Variants in RASGRF2 observed in about 807,000 individuals in gnomAD.
RASGRF2 encodes the protein ras-specific guanine nucleotide-releasing factor 2.
RASGRF2 carries 76 observed loss-of-function variants against 151.0 expected under a neutral mutation model. That is an observed-to-expected ratio of 0.50 (90% CI 0.42 to 0.61). The LOEUF is 0.61. Among genes scored for constraint, RASGRF2 ranks in the 20% least tolerant of loss-of-function variants. The pLI is 0.00. For missense variants in RASGRF2, 1,148 were observed against 1,564.6 expected (o/e 0.73, Z 4.49); for synonymous variants, 504 against 566.5 (o/e 0.89, Z 1.57).
chr5:81,013,374 T>C (rs1749530712), intron 1 of RASGRF2, among the ~76,000 whole-genome samples: 1 of 152,192 alleles, frequency 6.6e-6, no homozygotes, highest in Non-Finnish European at 1.5e-5. Flanking sequence ...TTTCTGTTAC[T>C]CGGACATATC....
At chr5:81,109,622 C>T (rs775629702) in intron 13 of RASGRF2, among the ~76,000 whole-genome samples, 2 of 152,106 alleles carry the variant, frequency 1.3e-5, no homozygotes, top group African/African-American at 2.4e-5. Context: ...GCCGAGATCA[C>T]GCCATTGCAC....
At position 81,024,544 on chromosome 5, in the gene RASGRF2, G is replaced by A. The variant is rs371469238; in HGVS notation, c.289-18333G>A. On this transcript the variant is annotated intron_variant, in intron 1 of 26. Coordinates refer to ENST00000265080, the MANE Select transcript of RASGRF2 (RefSeq NM_006909.3). ...CGATGTGCTGGGATTACAGGCGTGA[G>A]CCACAATGCCTGGCCTCATATGATT... Among the ~76,000 whole-genome samples, 9 of 152,208 alleles carry A rather than the reference G, an allele frequency of 5.9e-5. No individual in the cohort carries two copies. In the East Asian group the frequency reaches 1.5e-3, roughly 26 times the overall value.
At chr5:81,044,518 C>T (rs967621158) in intron 2 of RASGRF2, among the ~76,000 whole-genome samples, 4 of 152,150 alleles carry the variant, frequency 2.6e-5, no homozygotes, top group African/African-American at 7.2e-5. Flanking sequence ...CCCCTTCCCT[C>T]GTCTCACCTC....
At chr5:81,115,352 C>T (rs1416948820) in intron 15 of RASGRF2, among the ~76,000 whole-genome samples, 2 of 152,154 alleles carry the variant, frequency 1.3e-5, no homozygotes, top group Non-Finnish European at 2.9e-5. Flanking sequence ...ATTAGAACAA[C>T]AAGCTTAAGC....
chr5:81,185,525 C>T (rs1405287275), intron 18 of RASGRF2, among the ~76,000 whole-genome samples: 3 of 152,136 alleles, frequency 2.0e-5, no homozygotes, highest in African/African-American at 7.2e-5. Flanking sequence ...CAGACATTGC[C>T]AGGGTCAGGG....
At chr5:80,990,010 C>A (rs1748596610) in intron 1 of RASGRF2, among the ~76,000 whole-genome samples, 1 of 152,112 alleles carries the variant, frequency 6.6e-6, no homozygotes, top group South Asian at 2.1e-4. Context: ...CCCCTTCTCC[C>A]CACCACCTAC....
chr5:81,105,674 G>A (rs1447150753), intron 12 of RASGRF2, among the ~76,000 whole-genome samples: 1 of 152,190 alleles, frequency 6.6e-6, no homozygotes, highest in East Asian at 1.9e-4. Context: ...GGCTTCCTCA[G>A]TGTGATTCAG....
At chr5:81,176,069 A>C (rs1256564998) in intron 17 of RASGRF2, among the ~76,000 whole-genome samples, 1 of 152,196 alleles carries the variant, frequency 6.6e-6, no homozygotes, top group Admixed American at 6.5e-5. Context: ...CTGATCGTGC[A>C]TTCTTGCTAT....
At position 81,106,811 on chromosome 5, in the gene RASGRF2, G is replaced by A. The variant is rs555194655; in HGVS notation, c.1756-2185G>A. Among the ~76,000 whole-genome samples the A allele has an allele frequency of 7.2e-5, 11 of 152,230 alleles. No individual in the cohort carries two copies. The East Asian group carries it at 2.1e-3, about 29-fold the overall frequency. ...AGGATGCAGCAGTTTCAGGATTTCTGGGAAAACACTATTTCCAACTTCCTG... is the reference window on the plus strand; with the variant it reads ...AGGATGCAGCAGTTTCAGGATTTCTAGGAAAACACTATTTCCAACTTCCTG... On this transcript the variant is annotated intron_variant, in intron 12 of 26. Transcript: ENST00000265080.
chr5:81,034,200 G>A (rs1167541459), intron 1 of RASGRF2, among the ~76,000 whole-genome samples: 3 of 152,180 alleles, frequency 2.0e-5, no homozygotes, highest in Admixed American at 6.5e-5. Flanking sequence ...ATGAAAAAAT[G>A]CTCACCATCA....
intron 1 of RASGRF2, among the ~76,000 whole-genome samples, chr5:81,008,139 CTTTTTTTTTTTTTTT>C (rs58105434): frequency 2.6e-4 from 22 of 85,420 alleles, no homozygotes; most frequent in South Asian, 1.6e-3. Flanking sequence ...TCTTTCTTTC[CTTTTTTTTTTTTTTT>C]TTTTTTTTTT....
intron 1 of RASGRF2, among the ~76,000 whole-genome samples, chr5:80,982,879 T>C (rs113632313): frequency 0.015 from 2,272 of 152,064 alleles, 61 homozygotes; most frequent in African/African-American, 0.052. Flanking sequence ...GGATTACAGG[T>C]GTGAGCCACC....
chr5:81,167,249 A>G (rs1364760673), intron 17 of RASGRF2, among the ~76,000 whole-genome samples: 2 of 152,210 alleles, frequency 1.3e-5, no homozygotes, highest in Non-Finnish European at 2.9e-5. Context: ...ACTCACTGTA[A>G]TACATACACA....
intron 18 of RASGRF2, among the ~76,000 whole-genome samples, chr5:81,182,361 C>CT (rs1754935438): frequency 6.6e-6 from 1 of 152,182 alleles, no homozygotes; most frequent in Non-Finnish European, 1.5e-5. Context: ...GGCTCTATGG[C>CT]TGGTTATCAA....
chr5:80,984,354 C>T (rs949208186), intron 1 of RASGRF2, among the ~76,000 whole-genome samples: 1 of 152,166 alleles, frequency 6.6e-6, no homozygotes, highest in Non-Finnish European at 1.5e-5. Context: ...CACCTGGCCT[C>T]GTGTTTCTTG....
intron 2 of RASGRF2, among the ~76,000 whole-genome samples, chr5:81,056,759 G>T (rs1350592153): frequency 6.6e-5 from 10 of 152,172 alleles, no homozygotes; most frequent in Non-Finnish European, 1.3e-4. Context: ...TTGTGTGGAA[G>T]TCTGAGTCTC....
At chr5:81,135,507 A>G (rs1753732739) in intron 17 of RASGRF2, among the ~76,000 whole-genome samples, 1 of 152,166 alleles carries the variant, frequency 6.6e-6, no homozygotes, top group Admixed American at 6.5e-5. Flanking sequence ...TCGATATTTA[A>G]TATAAATGGA....
chr5:81,078,398 T>G (rs1751996534), intron 5 of RASGRF2, among the ~76,000 whole-genome samples: 1 of 152,204 alleles, frequency 6.6e-6, no homozygotes, highest in Admixed American at 6.5e-5. Flanking sequence ...ATCCTTTCCT[T>G]CCCCACTACC....
chr5:80,984,862 G>A (rs370817694), intron 1 of RASGRF2, among the ~76,000 whole-genome samples: 1 of 152,290 alleles, frequency 6.6e-6, no homozygotes, highest in African/African-American at 2.4e-5. Context: ...TTATTAGAGA[G>A]TCTCTATAGA....
Sources: allele counts gnomAD v4.1 joint callset (sites outside exome capture counted in the v4.1 genomes callset), GRCh38; gene constraint gnomAD v4.1.1; transcripts MANE v1.5; gene names NCBI Gene and HGNC (gene_info 2026-07-23, HGNC 2026-07-21).